SGCZ: variants seen among roughly 807,000 people sequenced by gnomAD.
SGCZ encodes the protein sarcoglycan zeta.
A neutral mutation model predicts 41.3 loss-of-function variants in SGCZ; 40 were observed. The observed-to-expected ratio is 0.97, with a 90% CI of 0.75 to 1.26. The LOEUF (loss-of-function observed/expected upper bound fraction) is 1.26, where lower values mean the gene tolerates loss of function less well. Among genes scored for constraint, SGCZ ranks in the 50% most tolerant of loss-of-function variants. SGCZ has a pLI of 0.00. For synonymous variants in SGCZ, 206 were observed against 137.5 expected, an observed-to-expected ratio of 1.50 and a Z score of -3.49; for missense variants, 552 against 369.8, an observed-to-expected ratio of 1.49 and a Z score of -4.04.
intron 1 of SGCZ, among the ~76,000 whole-genome samples, chr8:14,631,971 T>A (rs1806670003): frequency 6.6e-6 from 1 of 152,150 alleles, no homozygotes; most frequent in African/African-American, 2.4e-5. Context: ...TGTTACATTA[T>A]TACAATAGAA....
At chr8:14,163,970 T>C (rs1364456087) in intron 5 of SGCZ, among the ~76,000 whole-genome samples, 1 of 152,160 alleles carries the variant, frequency 6.6e-6, no homozygotes, top group African/African-American at 2.4e-5. Flanking sequence ...TCAGAAGAGA[T>C]TGTGCTTAAA....
At chr8:14,927,689 T>G (rs972140362) in intron 1 of SGCZ, among the ~76,000 whole-genome samples, 1 of 152,080 alleles carries the variant, frequency 6.6e-6, no homozygotes, top group East Asian at 1.9e-4. Context: ...ACTATGCAGT[T>G]ATTTCATCTT....
chr8:15,048,421 T>C (rs1804391512), intron 1 of SGCZ, among the ~76,000 whole-genome samples: 1 of 152,022 alleles, frequency 6.6e-6, no homozygotes, highest in South Asian at 2.1e-4. Context: ...AATAGCTCAG[T>C]AGGGTGACTA....
intron 1 of SGCZ, among the ~76,000 whole-genome samples, chr8:15,209,712 C>G (rs1034991419): frequency 2.0e-5 from 3 of 152,020 alleles, no homozygotes; most frequent in Non-Finnish European, 4.4e-5. Context: ...TCACATATTT[C>G]AAGTTTGTCT....
At chr8:14,342,779 G>A (rs1224319542) in intron 2 of SGCZ, among the ~76,000 whole-genome samples, 1 of 152,204 alleles carries the variant, frequency 6.6e-6, no homozygotes, top group Non-Finnish European at 1.5e-5. Context: ...ATTCAAGCCG[G>A]CTGCAGAAAT....
At chr8:14,220,246 T>C (rs1806145961) in intron 4 of SGCZ, among the ~76,000 whole-genome samples, 1 of 152,198 alleles carries the variant, frequency 6.6e-6, no homozygotes, top group Non-Finnish European at 1.5e-5. Flanking sequence ...AATTGTAGTG[T>C]ATTTATGAAT....
intron 3 of SGCZ, among the ~76,000 whole-genome samples, chr8:14,258,724 A>C (rs2117227007): frequency 6.6e-6 from 1 of 152,280 alleles, no homozygotes; most frequent in South Asian, 2.1e-4. Flanking sequence ...AGCAGGCAAA[A>C]CCCACATTAA....
intron 2 of SGCZ, among the ~76,000 whole-genome samples, chr8:14,383,011 C>G (rs1360449638): frequency 6.6e-6 from 1 of 152,170 alleles, no homozygotes; most frequent in Admixed American, 6.5e-5. Flanking sequence ...CATGCCACCA[C>G]TTCACACGCC....
intron 1 of SGCZ, among the ~76,000 whole-genome samples, chr8:14,929,512 C>T (rs1230789242): frequency 6.6e-6 from 1 of 152,108 alleles, no homozygotes; most frequent in Non-Finnish European, 1.5e-5. Context: ...GAGGCTGACG[C>T]AGCCTAACAC....
intron 5 of SGCZ, among the ~76,000 whole-genome samples, chr8:14,137,866 G>A (rs1182219946): frequency 2.0e-5 from 3 of 152,050 alleles, no homozygotes; most frequent in African/African-American, 7.2e-5. Context: ...GCAACCCCAA[G>A]ACACATAATT....
intron 4 of SGCZ, among the ~76,000 whole-genome samples, chr8:14,222,266 G>C (rs1280070539): frequency 6.6e-6 from 1 of 151,850 alleles, no homozygotes; most frequent in Non-Finnish European, 1.5e-5. Context: ...CGCCTCCCGG[G>C]TTCAAGCAAT....
chr8:14,248,229 C>A (rs1412538264), intron 3 of SGCZ, among the ~76,000 whole-genome samples: 1 of 152,106 alleles, frequency 6.6e-6, no homozygotes. Context: ...TAGTTCATTT[C>A]TGTAGTATTG....
chr8:14,433,687 T>A (rs1488985608), intron 2 of SGCZ, among the ~76,000 whole-genome samples: 1 of 152,192 alleles, frequency 6.6e-6, no homozygotes, highest in Non-Finnish European at 1.5e-5. Context: ...CTCACATAAT[T>A]TTACATAAAC....
At chr8:14,111,831 A>G (rs936375921) in intron 5 of SGCZ, among the ~76,000 whole-genome samples, 1 of 152,208 alleles carries the variant, frequency 6.6e-6, no homozygotes, top group African/African-American at 2.4e-5. Flanking sequence ...TTATGGTCCT[A>G]CTTTGTATTT....
chr8:14,530,946 C>T lies in SGCZ; in HGVS notation c.234+23786G>A, dbSNP rs776159569. The stretch of plus-strand genomic sequence containing the variant: ...TCTACTACAGGTACACAAATGATAG[C>T]GATAGGAGGCAGACAAGTTCCCAGG... On this transcript the variant is annotated intron_variant, in intron 2 of 7. Transcript: ENST00000382080. 1.2e-4 allele frequency among the ~76,000 whole-genome samples: 18 copies of T among 152,084 alleles called. 1 individual carries two copies. In the Middle Eastern group the frequency reaches 0.01, roughly 86 times the overall value.
intron 2 of SGCZ, among the ~76,000 whole-genome samples, chr8:14,546,605 C>G (rs564389191): frequency 9.2e-5 from 14 of 152,194 alleles, no homozygotes; most frequent in African/African-American, 3.4e-4. Flanking sequence ...TAATTACACA[C>G]TAACTATGAG....
chr8:14,749,469 T>C (rs1397278), intron 1 of SGCZ, among the ~76,000 whole-genome samples: 3,801 of 152,290 alleles, frequency 0.025, 162 homozygotes, highest in African/African-American at 0.087. Context: ...CATCATGTAA[T>C]ATAATAAATC....
At chr8:14,602,793 A>T (rs1278345316) in intron 1 of SGCZ, among the ~76,000 whole-genome samples, 1 of 152,148 alleles carries the variant, frequency 6.6e-6, no homozygotes, top group East Asian at 1.9e-4. Flanking sequence ...TAATAACCTT[A>T]AACTATGCAT....
chr8:14,386,767 C>T (rs1339918492), intron 2 of SGCZ, among the ~76,000 whole-genome samples: 2 of 152,048 alleles, frequency 1.3e-5, no homozygotes, highest in Non-Finnish European at 2.9e-5. Flanking sequence ...AAACAGAATA[C>T]TAAAATCAAT....
Sources: allele counts gnomAD v4.1 joint callset (sites outside exome capture counted in the v4.1 genomes callset), GRCh38; gene constraint gnomAD v4.1.1; transcripts MANE v1.5; gene names NCBI Gene and HGNC (gene_info 2026-07-23, HGNC 2026-07-21).